The following CCDC171 variants were observed in gnomAD, a reference collection of about 807,000 sequenced individuals.
CCDC171 encodes coiled-coil domain containing 171, also known as coiled-coil domain-containing protein 171.
CCDC171 carries 177 observed loss-of-function variants against 168.2 expected under a neutral mutation model. The observed-to-expected ratio is 1.05, with a 90% confidence interval of 0.93 to 1.19. The LOEUF (loss-of-function observed/expected upper bound fraction) is 1.19, where lower values mean the gene tolerates loss of function less well. Ranked by LOEUF, CCDC171 falls within the 50% of genes most tolerant of loss-of-function variation. The pLI is 0.00. For synonymous variants in CCDC171, 687 were observed against 540.8 expected, an observed-to-expected ratio of 1.27 and a Z score of -3.75; for missense variants, 1,991 against 1,539.0, an observed-to-expected ratio of 1.29 and a Z score of -4.91.
chr9:15,707,200 C>G (rs1304212343), intron 11 of CCDC171, among the ~76,000 whole-genome samples: 2 of 152,134 alleles, frequency 1.3e-5, no homozygotes, highest in Non-Finnish European at 2.9e-5. Flanking sequence ...GTTTACAAAC[C>G]AAACTTGCCG....
At chr9:15,745,836 A>G (rs1013156194) in intron 18 of CCDC171, among the ~76,000 whole-genome samples, 8 of 152,072 alleles carry the variant, frequency 5.3e-5, no homozygotes, top group Non-Finnish European at 8.8e-5. Context: ...GGGAAATGAC[A>G]TTTCTTGGTG....
intron 3 of CCDC171, among the ~76,000 whole-genome samples, chr9:15,995,531 C>G (rs542545404): frequency 6.6e-6 from 1 of 152,204 alleles, no homozygotes; most frequent in Non-Finnish European, 1.5e-5. Context: ...AGTTATTCTA[C>G]CCTTGGAATC....
chr9:16,045,790 G>C (rs1050583505), intron 1 of CCDC171, among the ~76,000 whole-genome samples: 1 of 152,170 alleles, frequency 6.6e-6, no homozygotes, highest in Non-Finnish European at 1.5e-5. Flanking sequence ...TGTTTTTGGT[G>C]ACTCTTTTCT....
At chr9:15,958,230 A>T (rs957569455) in intron 25 of CCDC171, among the ~76,000 whole-genome samples, 3 of 152,122 alleles carry the variant, frequency 2.0e-5, no homozygotes, top group Non-Finnish European at 4.4e-5. Flanking sequence ...ACAAGCAAAC[A>T]AAATAGCCTG....
chr9:15,560,347 G>A (rs921033789), intron 1 of CCDC171, among the ~76,000 whole-genome samples: 1 of 152,094 alleles, frequency 6.6e-6, no homozygotes, highest in African/African-American at 2.4e-5. Flanking sequence ...CATTCTCCCC[G>A]TCACTTTCAG....
chr9:15,706,207 C>A (rs2052209901), intron 11 of CCDC171, among the ~76,000 whole-genome samples: 1 of 151,364 alleles, frequency 6.6e-6, no homozygotes, highest in Admixed American at 6.6e-5. Flanking sequence ...CTGCTTTGAA[C>A]CCATGTAGTC....
At chr9:15,844,280 T>A (rs1303178673) in intron 21 of CCDC171, among the ~76,000 whole-genome samples, 1 of 151,976 alleles carries the variant, frequency 6.6e-6, no homozygotes, top group Non-Finnish European at 1.5e-5. Flanking sequence ...TTATATGTGA[T>A]ATATGGATAT....
At chr9:15,626,807 G>T (rs768734450) in intron 7 of CCDC171, among the ~76,000 whole-genome samples, 2 of 152,122 alleles carry the variant, frequency 1.3e-5, no homozygotes, top group Non-Finnish European at 1.5e-5. Flanking sequence ...CCAGGCTTTG[G>T]TATCAGGATG....
intron 4 of CCDC171, among the ~76,000 whole-genome samples, chr9:15,582,439 CA>C (rs2041203080): frequency 6.6e-6 from 1 of 152,020 alleles, no homozygotes; most frequent in South Asian, 2.1e-4. Context: ...GGTATATACC[CA>C]AAGGATTATA....
intron 3 of CCDC171, among the ~76,000 whole-genome samples, chr9:15,576,393 G>T (rs1386151271): frequency 6.6e-6 from 1 of 151,912 alleles, no homozygotes; most frequent in Non-Finnish European, 1.5e-5. Context: ...TTGCTGTGTT[G>T]CTCAGGTTGG....
At chr9:15,844,051 T>C (rs2060797484) in intron 21 of CCDC171, among the ~76,000 whole-genome samples, 1 of 152,104 alleles carries the variant, frequency 6.6e-6, no homozygotes, top group South Asian at 2.1e-4. Context: ...TATCCTATTC[T>C]CTCCTGAACA....
intron 21 of CCDC171, among the ~76,000 whole-genome samples, chr9:15,843,262 C>G (rs551324020): frequency 6.6e-6 from 1 of 151,942 alleles, no homozygotes; most frequent in South Asian, 2.1e-4. Flanking sequence ...TAAAAATTTG[C>G]TTTAAAACAT....
At position 15,671,255 on chromosome 9, in the gene CCDC171, G is replaced by A. The variant is rs2049088021; in HGVS notation, c.1076+4932G>A. Among the ~76,000 whole-genome samples the A allele has an allele frequency of 2.0e-5, 3 of 152,068 alleles. No individual in the cohort carries two copies. In the South Asian group the frequency reaches 6.2e-4, roughly 32 times the overall value. On this transcript the variant is annotated intron_variant, in intron 9 of 25. Coordinates refer to ENST00000380701, the MANE Select transcript of CCDC171 (RefSeq NM_173550.4). The stretch of plus-strand genomic sequence containing the variant: ...GTCTCTCATGTTCCTACACCTCAGA[G>A]ACGCTATCATTTTAAATTTCTTCTA...
chr9:15,552,924 C>A (rs924751644), upstream of CCDC171, among the ~76,000 whole-genome samples: 1 of 151,054 alleles, frequency 6.6e-6, no homozygotes, highest in Non-Finnish European at 1.5e-5. Context: ...CGCTGCTTGG[C>A]GGGCGGGCTC....
chr9:15,677,312 A>T (rs2049653857), intron 9 of CCDC171, among the ~76,000 whole-genome samples: 1 of 152,148 alleles, frequency 6.6e-6, no homozygotes, highest in Non-Finnish European at 1.5e-5. Flanking sequence ...TTTAAATTCA[A>T]GCTACTCTGC....
At chr9:15,699,473 G>C (rs2051505084) in intron 11 of CCDC171, among the ~76,000 whole-genome samples, 1 of 152,072 alleles carries the variant, frequency 6.6e-6, no homozygotes, top group Non-Finnish European at 1.5e-5. Flanking sequence ...TCTCTTATCC[G>C]GCCCCACCCA....
chr9:15,572,110 CTT>C (rs1405815445), intron 3 of CCDC171, among the ~76,000 whole-genome samples: 1 of 152,044 alleles, frequency 6.6e-6, no homozygotes, highest in Non-Finnish European at 1.5e-5. Context: ...GGAGCAATCT[CTT>C]TAAGTAAATT....
chr9:15,612,271 C>T (rs1042773724), intron 6 of CCDC171, among the ~76,000 whole-genome samples: 1 of 152,106 alleles, frequency 6.6e-6, no homozygotes, highest in Non-Finnish European at 1.5e-5. Context: ...TCTTTTTTTC[C>T]GCATTTAGAA....
intron 24 of CCDC171, among the ~76,000 whole-genome samples, chr9:15,914,557 A>T (rs920074159): frequency 3.9e-5 from 6 of 152,132 alleles, no homozygotes; most frequent in African/African-American, 1.4e-4. Flanking sequence ...GAGAATTTCA[A>T]GCCAGTGGAT....
Sources: gnomAD v4.1 joint callset for allele counts (sites outside exome capture counted in the v4.1 genomes callset) on GRCh38, gnomAD v4.1.1 for gene constraint, MANE v1.5 for transcripts, NCBI Gene and HGNC (gene_info 2026-07-23, HGNC 2026-07-21) for gene names.